The following SLC16A7 variants were observed in gnomAD, a reference collection of about 807,000 sequenced individuals.
The protein encoded by SLC16A7 is solute carrier family 16 member 7, also known as monocarboxylate transporter 2.
A neutral mutation model predicts 34.9 loss-of-function variants in SLC16A7; 33 were observed. The observed-to-expected ratio is 0.94, with a 90% CI of 0.72 to 1.26. The LOEUF is 1.26. SLC16A7 is among the 50% of genes most tolerant of loss of function. The pLI is 0.00. For synonymous variants in SLC16A7, 201 were observed against 206.6 expected (o/e 0.97, Z 0.23); for missense variants, 573 against 578.1 (o/e 0.99, Z 0.09).
intron 3 of SLC16A7, among the ~76,000 whole-genome samples, chr12:59,707,722 A>C (rs764440271): frequency 6.6e-6 from 1 of 152,138 alleles, no homozygotes; most frequent in Non-Finnish European, 1.5e-5. Context: ...TGCTAGATAC[A>C]TACAAATTCT....
chr12:59,605,584 G>A (rs900452621), intron 1 of SLC16A7, among the ~76,000 whole-genome samples: 1 of 152,228 alleles, frequency 6.6e-6, no homozygotes, highest in Non-Finnish European at 1.5e-5. Flanking sequence ...TTCCCCTGCT[G>A]TGTTCCAGAC....
At chr12:59,757,202 C>A (rs1880467668) in intron 3 of SLC16A7, among the ~76,000 whole-genome samples, 1 of 151,316 alleles carries the variant, frequency 6.6e-6, no homozygotes, top group Admixed American at 6.6e-5. Flanking sequence ...CACATGTATA[C>A]ATATGTAACT....
Position 59,597,280 on chromosome 12 carries a change from A to G in SLC16A7, c.-130+1044A>G, listed in dbSNP as rs930749590. 3 of 151,906 alleles carry G rather than the reference A, an allele frequency of 2.0e-5. No homozygotes were observed. In the Admixed American group the frequency reaches 2.0e-4, roughly 10 times the overall value. The allele number at this position is 151,906 out of a possible 1,614,324, so 9.4% of individuals were successfully genotyped here. A position where few individuals can be genotyped will look rare whatever the true frequency, so the allele number is the denominator to read the frequency against. On this transcript the variant is annotated intron_variant, in intron 1 of 5. Transcript: ENST00000547379. ...ACACACACACACACACGAGACATAGAAGAGGAAACGAGGAGTGGTTTCTCT... is the reference window on the plus strand; with the variant it reads ...ACACACACACACACACGAGACATAGGAGAGGAAACGAGGAGTGGTTTCTCT...
At chr12:59,628,654 G>A (rs1374116886) in intron 1 of SLC16A7, among the ~76,000 whole-genome samples, 1 of 151,686 alleles carries the variant, frequency 6.6e-6, no homozygotes, top group Non-Finnish European at 1.5e-5. Context: ...GTGTGTAAGT[G>A]TGCGTGTGTG....
intron 3 of SLC16A7, among the ~76,000 whole-genome samples, chr12:59,752,440 G>A (rs1053643574): frequency 1.4e-4 from 22 of 152,274 alleles, no homozygotes; most frequent in African/African-American, 4.3e-4. Context: ...GCCAAGGCTC[G>A]AGAACTACGT....
In SLC16A7 at chr12:59,672,203, T is replaced by A. The variant is rs572602356; in HGVS notation, c.-31+16953T>A. Reference sequence around the variant, plus strand: ...ATATGCATATATACGTATATATACATATATACGTATATATATGTGTATATA... The same window carrying A: ...ATATGCATATATACGTATATATACAAATATACGTATATATATGTGTATATA... On this transcript the variant is annotated intron_variant, in intron 2 of 5. Coordinates refer to ENST00000547379, the MANE Select transcript of SLC16A7 (RefSeq NM_001270623.2). 6.5e-4 allele frequency among the ~76,000 whole-genome samples: 38 copies of A among 58,798 alleles called. No individual in the cohort carries two copies. The South Asian group carries it at 9.8e-3, about 15-fold the overall frequency. The allele number at this position is 58,798 out of a possible 152,430, so 38.6% of individuals were successfully genotyped here. A position where few individuals can be genotyped will look rare whatever the true frequency, so the allele number is the denominator to read the frequency against.
At chr12:59,756,604 C>T (rs373936031) in intron 3 of SLC16A7, among the ~76,000 whole-genome samples, 1 of 151,258 alleles carries the variant, frequency 6.6e-6, no homozygotes, top group South Asian at 2.1e-4. Context: ...AGTCAGGAAA[C>T]AACAGGTGCT....
At chr12:59,612,257 T>C (rs1879231895) in intron 1 of SLC16A7, among the ~76,000 whole-genome samples, 1 of 152,216 alleles carries the variant, frequency 6.6e-6, no homozygotes. Context: ...TTCTGTGCAG[T>C]TACAGGTGCA....
intron 3 of SLC16A7, among the ~76,000 whole-genome samples, chr12:59,743,053 AT>A (rs1357467483): frequency 6.6e-6 from 1 of 152,332 alleles, no homozygotes; most frequent in Middle Eastern, 3.4e-3. Flanking sequence ...ATTATGTATA[AT>A]GCTAGGCTGC....
chr12:59,749,591 G>A (rs1879272580), intron 3 of SLC16A7, among the ~76,000 whole-genome samples: 1 of 152,132 alleles, frequency 6.6e-6, no homozygotes, highest in African/African-American at 2.4e-5. Context: ...TCAACGCTGT[G>A]GAAGAGAACC....
intron 3 of SLC16A7, among the ~76,000 whole-genome samples, chr12:59,757,032 C>T (rs1437650326): frequency 1.4e-5 from 2 of 141,144 alleles, no homozygotes; most frequent in African/African-American, 5.4e-5. Context: ...CGCATATTCT[C>T]ACTCATAGGT....
At chr12:59,750,594 A>G (rs142394267) in intron 3 of SLC16A7, among the ~76,000 whole-genome samples, 18,621 of 152,164 alleles carry the variant, frequency 0.12, 1,476 homozygotes, top group African/African-American at 0.22. Flanking sequence ...AAATAGGAAC[A>G]CTTTTACACT....
rs978953513 is a variant in SLC16A7, at chr12:59,786,464, A to G, written c.*6785A>G. ...GTACATATTTCTGACAAGCTTTTCAATGGTACGATGGATTTTATTTTTCTA... is the reference window on the plus strand; with the variant it reads ...GTACATATTTCTGACAAGCTTTTCAGTGGTACGATGGATTTTATTTTTCTA... On this transcript the variant is annotated 3_prime_UTR_variant, in exon 6 of 6. Transcript: ENST00000547379. 1 of 152,044 alleles carries G rather than the reference A, an allele frequency of 6.6e-6. No homozygotes were observed. Among genetic ancestry groups the G allele is most frequent in the South Asian group, 2.1e-4 (1 of 4,836 alleles). 9.4% of individuals were successfully genotyped at this position (152,044 alleles called of 1,614,324 possible). A position where few individuals can be genotyped will look rare whatever the true frequency, so the allele number is the denominator to read the frequency against.
At chr12:59,723,872 T>G (rs1875914418) in intron 3 of SLC16A7, among the ~76,000 whole-genome samples, 1 of 152,002 alleles carries the variant, frequency 6.6e-6, no homozygotes, top group African/African-American at 2.4e-5. Flanking sequence ...TTGTTTCCAT[T>G]GCCTTTTTTT....
Position 59,777,026 on chromosome 12 carries a change from G to A in SLC16A7, c.1180+1551G>A, listed in dbSNP as rs12315161. On this transcript the variant is annotated intron_variant, in intron 5 of 5. Transcript: ENST00000547379. ...ACAGAGAAGTTACCATGCATGAGGG[G>A]ATGAAAAAAGAATCAAGTCCAAATA... Among the ~76,000 whole-genome samples the A allele has an allele frequency of 1.9e-3, 288 of 152,124 alleles. 1 individual carries two copies. Among genetic ancestry groups the A allele is most frequent in the African/African-American group, 5.4e-3 (226 of 41,528 alleles).
intron 2 of SLC16A7, among the ~76,000 whole-genome samples, chr12:59,684,073 G>C (rs942882033): frequency 2.0e-5 from 3 of 152,192 alleles, no homozygotes; most frequent in Non-Finnish European, 4.4e-5. Flanking sequence ...AGATAGTAGA[G>C]TTTACAAGGA....
intron 1 of SLC16A7, among the ~76,000 whole-genome samples, chr12:59,622,333 C>T (rs1879731082): frequency 6.6e-6 from 1 of 151,972 alleles, no homozygotes; most frequent in South Asian, 2.1e-4. Context: ...CTTGGTCAAA[C>T]ATTTCAGTCC....
intron 3 of SLC16A7, among the ~76,000 whole-genome samples, chr12:59,738,095 G>T (rs1269355729): frequency 6.6e-6 from 1 of 152,084 alleles, no homozygotes; most frequent in African/African-American, 2.4e-5. Context: ...CAGAGATATT[G>T]TACTTATAAA....
At chr12:59,740,932 G>C (rs1397003610) in intron 3 of SLC16A7, among the ~76,000 whole-genome samples, 2 of 152,090 alleles carry the variant, frequency 1.3e-5, no homozygotes, top group South Asian at 2.1e-4. Flanking sequence ...CAAACAGAGA[G>C]CCAAATCATG....
Sources: allele counts gnomAD v4.1 joint callset (sites outside exome capture counted in the v4.1 genomes callset), GRCh38; gene constraint gnomAD v4.1.1; transcripts MANE v1.5; gene names NCBI Gene and HGNC (gene_info 2026-07-23, HGNC 2026-07-21).